The following TMCC2 variants were observed in gnomAD, a reference collection of about 807,000 sequenced individuals.
The protein encoded by TMCC2 is transmembrane and coiled-coil domain family 2.
TMCC2 carries 16 observed loss-of-function variants against 49.4 expected under a neutral mutation model. That is an observed-to-expected ratio of 0.32 (90% CI 0.22 to 0.49). The LOEUF is 0.49. TMCC2 is among the 20% of genes least tolerant of loss of function. The pLI is 0.99. For missense variants in TMCC2, 762 were observed against 989.8 expected, an observed-to-expected ratio of 0.77 and a Z score of 3.09; for synonymous variants, 397 against 434.1, an observed-to-expected ratio of 0.91 and a Z score of 1.06.
At chr1:205,260,563 G>T (rs1243262097) in intron 2 of TMCC2, among the ~76,000 whole-genome samples, 3 of 152,200 alleles carry the variant, frequency 2.0e-5, no homozygotes, top group Non-Finnish European at 4.4e-5. Context: ...GCCCAGGCCA[G>T]TGGAGGACCC....
chr1:205,262,533 G>C (rs1432314947), intron 2 of TMCC2, among the ~76,000 whole-genome samples: 1 of 152,194 alleles, frequency 6.6e-6, no homozygotes, highest in Non-Finnish European at 1.5e-5. Context: ...AGGGACTAAA[G>C]ATCCTGGAGG....
At chr1:205,253,223 TA>T (rs200183992) in intron 2 of TMCC2, among the ~76,000 whole-genome samples, 2 of 139,914 alleles carry the variant, frequency 1.4e-5, no homozygotes, top group Admixed American at 6.9e-5. Flanking sequence ...GAAGAGAAAA[TA>T]AAAAAAATAA....
intron 1 of TMCC2, chr1:205,230,049 C>G: frequency 1.0e-6 from 1 of 985,434 alleles, no homozygotes; most frequent in South Asian, 4.7e-5. Flanking sequence ...ACGGAAAGGA[C>G]TCTGTTGCAT....
Position 205,264,394 on chromosome 1 carries a change from C to T in TMCC2, c.748-4556C>T, listed in dbSNP as rs140427116. Among the ~76,000 whole-genome samples, 2 of 152,208 alleles carry T rather than the reference C, an allele frequency of 1.3e-5. No homozygotes were observed. Among genetic ancestry groups the T allele is most frequent in the African/African-American group, 2.4e-5 (1 of 41,446 alleles). ...AGTGCAGTGGTGCAGTCTTGGCTCACTGCAACTTCCGCCTCCCAGGTTCAA... is the reference window on the plus strand; with the variant it reads ...AGTGCAGTGGTGCAGTCTTGGCTCATTGCAACTTCCGCCTCCCAGGTTCAA... On this transcript the variant is annotated intron_variant, in intron 2 of 4. Coordinates refer to ENST00000358024, the MANE Select transcript of TMCC2 (RefSeq NM_014858.4). This position sits in a 1 kb window ranked among gnomAD's most constrained non-coding sequence, Gnocchi z 4.2.
chr1:205,257,186 G>A, intron 2 of TMCC2: 1 of 1,232,526 alleles, frequency 8.1e-7, no homozygotes, highest in Non-Finnish European at 1.0e-6. Context: ...TAATCCCCAG[G>A]CTGTGCCTCA....
chr1:205,231,198 TCA>T (rs1486535404), intron 1 of TMCC2, among the ~76,000 whole-genome samples: 1 of 152,084 alleles, frequency 6.6e-6, no homozygotes. Context: ...TTGGGGACTT[TCA>T]CAGTTTGATT....
chr1:205,258,999 G>A (rs940016734), intron 2 of TMCC2, among the ~76,000 whole-genome samples: 21 of 152,168 alleles, frequency 1.4e-4, no homozygotes, highest in Non-Finnish European at 1.3e-4. Flanking sequence ...CCCCGGGGCC[G>A]CACTCGCCTG....
chr1:205,271,804 C>T lies in TMCC2; in HGVS notation c.1819-9C>T, dbSNP rs1398451404. On this transcript the variant is annotated splice_polypyrimidine_tract_variant and intron_variant, in intron 4 of 4. Coordinates refer to ENST00000358024, the MANE Select transcript of TMCC2 (RefSeq NM_014858.4). ...GAGCGCACACATGCCAGCCCCTCTGCCCCTGCAGGAGGCCGTGGAGTCCTG... is the reference window on the plus strand; with the variant it reads ...GAGCGCACACATGCCAGCCCCTCTGTCCCTGCAGGAGGCCGTGGAGTCCTG... The T allele has an allele frequency of 1.9e-6, 3 of 1,606,362 alleles. No homozygotes were observed. The highest frequency in any genetic ancestry group is 1.8e-4 in the Middle Eastern group (1 of 5,430).
intron 1 of TMCC2, chr1:205,229,521 TCA>T: frequency 5.4e-6 from 3 of 553,704 alleles, no homozygotes; most frequent in Non-Finnish European, 6.4e-6. Flanking sequence ...TGGATGAAGC[TCA>T]GTTTGCCGAT....
At chr1:205,259,988 G>T (rs780661920) in intron 2 of TMCC2, among the ~76,000 whole-genome samples, 1 of 152,194 alleles carries the variant, frequency 6.6e-6, no homozygotes, top group Non-Finnish European at 1.5e-5. Flanking sequence ...GCACTTCTCA[G>T]CCCTCAGCCT....
rs188562840 is a variant in TMCC2 at position 205,272,408 on chromosome 1, A to T, written c.*284A>T. 2.5e-3 allele frequency: 1,223 copies of T among 486,268 alleles called. 1 individual carries two copies. Among genetic ancestry groups the T allele is most frequent in the Middle Eastern group, 3.9e-3 (7 of 1,776 alleles). The allele number at this position is 486,268 out of a possible 1,614,324, so 30.1% of individuals were successfully genotyped here. A position where few individuals can be genotyped will look rare whatever the true frequency, so the allele number is the denominator to read the frequency against. On this transcript the variant is annotated 3_prime_UTR_variant, in exon 5 of 5. Transcript: ENST00000358024. ...GATTGTTTTGATTATTTATAGTTAC[A>T]CAAGGACTTCTCCCAGCTGACCCTC... is the stretch of plus-strand genomic sequence containing the variant.
chr1:205,247,278 C>T (rs558305850), intron 2 of TMCC2, among the ~76,000 whole-genome samples: 1 of 152,274 alleles, frequency 6.6e-6, no homozygotes, highest in South Asian at 2.1e-4. Context: ...TGGCACCCAG[C>T]TAGGTCTTGG....
chr1:205,242,720 T>C (rs1358917865), intron 2 of TMCC2, among the ~76,000 whole-genome samples: 1 of 151,940 alleles, frequency 6.6e-6, no homozygotes, highest in Non-Finnish European at 1.5e-5. Flanking sequence ...TACAAGTGGG[T>C]GAATGGACAG....
intron 2 of TMCC2, among the ~76,000 whole-genome samples, chr1:205,261,016 T>C (rs1324388729): frequency 6.6e-6 from 1 of 152,152 alleles, no homozygotes; most frequent in Non-Finnish European, 1.5e-5. Context: ...TGAATACTCA[T>C]TTTCAATTCG....
rs550836841 is a variant in TMCC2, at chr1:205,259,882, G to A, written c.748-9068G>A. ...GAGCCCCCAGGTGTGCGTGGGCTGA[G>A]GGTAGATCTCACTGGAGCAGGAAGA... is the stretch of plus-strand genomic sequence containing the variant. On this transcript the variant is annotated intron_variant, in intron 2 of 4. Coordinates refer to ENST00000358024, the MANE Select transcript of TMCC2 (RefSeq NM_014858.4). 5.3e-5 allele frequency among the ~76,000 whole-genome samples: 8 copies of A among 152,344 alleles called. No homozygotes were observed. The South Asian group carries it at 8.3e-4, about 16-fold the overall frequency.
rs1661496641 is a variant in TMCC2, at chr1:205,269,600, A to G, written c.1398A>G (p.Thr466=). 1 of 1,613,710 alleles carries G rather than the reference A, an allele frequency of 6.2e-7. No homozygotes were observed. The highest frequency in any genetic ancestry group is 1.7e-5 in the Admixed American group (1 of 60,020). The change falls in exon 3 of 5, where the codon ACA becomes ACG. Residue 466 remains threonine (T), a synonymous_variant. Coordinates refer to ENST00000358024, the MANE Select transcript of TMCC2 (RefSeq NM_014858.4). ...EAARALSGSA[T]LVSSPKYGSD... is the part of the protein sequence containing the mutation. ...CCCGGGCACTGAGCGGCAGTGCCAC[A>G]CTCGTCTCCAGCCCCAAGTATGGCA...
chr1:205,247,841 G>C (rs1660513150), intron 2 of TMCC2, among the ~76,000 whole-genome samples: 1 of 152,168 alleles, frequency 6.6e-6, no homozygotes, highest in African/African-American at 2.4e-5. Flanking sequence ...GTCCAGCCCT[G>C]GCGGGGTTGA....
chr1:205,271,730 C>A, intron 4 of TMCC2, 83 bp from the exon 5 acceptor site: 3 of 1,520,058 alleles, frequency 2.0e-6, no homozygotes, highest in East Asian at 2.3e-5. Flanking sequence ...TTATAGGCAC[C>A]TTCTCAGTGG....
chr1:205,244,888 TGA>T (rs972515402), intron 2 of TMCC2, among the ~76,000 whole-genome samples: 57 of 146,912 alleles, frequency 3.9e-4, no homozygotes, highest in African/African-American at 1.1e-3. Context: ...TAAAGAGGAG[TGA>T]GAGAGACAGG....
Sources: allele counts gnomAD v4.1 joint callset (sites outside exome capture counted in the v4.1 genomes callset), GRCh38; gene constraint gnomAD v4.1.1; non-coding constraint Gnocchi (gnomAD v3.1); transcripts MANE v1.5; gene names NCBI Gene and HGNC (gene_info 2026-07-23, HGNC 2026-07-21).